Variants in CPQ observed in about 807,000 individuals in gnomAD.
CPQ encodes the protein carboxypeptidase Q, also known as Ser-Met dipeptidase.
Under a neutral mutation model 45.7 loss-of-function variants are expected in CPQ, and 37 were observed. The ratio of observed to expected loss-of-function variants is 0.81; its 90% CI spans 0.62 to 1.07. The LOEUF (loss-of-function observed/expected upper bound fraction) is 1.07, where lower values mean the gene tolerates loss of function less well. CPQ is among the 50% of genes least tolerant of loss of function. CPQ has a pLI of 0.00. For synonymous variants in CPQ, 186 were observed against 205.8 expected (o/e 0.90, Z 0.82); for missense variants, 537 against 572.9 (o/e 0.94, Z 0.64).
intron 7 of CPQ, among the ~76,000 whole-genome samples, chr8:97,071,807 G>T (rs947315001): frequency 6.6e-6 from 1 of 152,184 alleles, no homozygotes; most frequent in Non-Finnish European, 1.5e-5. Context: ...GAACTTTGCA[G>T]CAGGTGTTAC....
chr8:96,916,564 A>G (rs1406122362), intron 4 of CPQ, among the ~76,000 whole-genome samples: 1 of 152,144 alleles, frequency 6.6e-6, no homozygotes, highest in Non-Finnish European at 1.5e-5. Context: ...GCCCACACCC[A>G]GTTCTCCCAC....
At chr8:96,658,500 C>T (rs927667033) in intron 1 of CPQ, among the ~76,000 whole-genome samples, 1 of 147,458 alleles carries the variant, frequency 6.8e-6, no homozygotes, top group African/African-American at 2.4e-5. Flanking sequence ...CCCTACCACC[C>T]CCTACGGTGT....
chr8:96,788,044 G>A (rs1485189586), intron 2 of CPQ, among the ~76,000 whole-genome samples: 3 of 150,428 alleles, frequency 2.0e-5, no homozygotes, highest in Non-Finnish European at 4.4e-5. Context: ...CTTAGTTGAG[G>A]GGTTTGTTTT....
rs1179606311 is a variant in CPQ at position 97,043,456 on chromosome 8, T to C, written c.1053+13962T>C. Among the ~76,000 whole-genome samples, 4 of 152,198 alleles carry C rather than the reference T, an allele frequency of 2.6e-5. No homozygotes were observed. The South Asian group carries it at 6.2e-4, about 24-fold the overall frequency. On this transcript the variant is annotated intron_variant, in intron 6 of 7. Transcript: ENST00000220763. ...TCTTTATCCAGTTTGCCAGTCTGTG[T>C]CTTTTAATTGGAGAATTTAGTCCAT...
intron 7 of CPQ, among the ~76,000 whole-genome samples, chr8:97,119,516 G>A (rs2130604722): frequency 6.6e-6 from 1 of 151,876 alleles, no homozygotes; most frequent in East Asian, 1.9e-4. Flanking sequence ...TGTTAAGATA[G>A]ATAAGAAAAC....
intron 1 of CPQ, among the ~76,000 whole-genome samples, chr8:96,717,492 A>C (rs147707218): frequency 3.1e-4 from 47 of 152,138 alleles, no homozygotes; most frequent in Non-Finnish European, 2.5e-4. Context: ...GGGTAATTTG[A>C]TGCCTCAAGA....
chr8:97,115,108 C>A (rs1290760295), intron 7 of CPQ, among the ~76,000 whole-genome samples: 1 of 152,170 alleles, frequency 6.6e-6, no homozygotes, highest in African/African-American at 2.4e-5. Context: ...ACAGGAGAGG[C>A]AATATGCCTT....
chr8:96,706,956 AC>A (rs1809537586), intron 1 of CPQ, among the ~76,000 whole-genome samples: 1 of 152,164 alleles, frequency 6.6e-6, no homozygotes, highest in Admixed American at 6.6e-5. Flanking sequence ...CATAAAGCCC[AC>A]AGCTTGATTC....
intron 5 of CPQ, among the ~76,000 whole-genome samples, chr8:97,007,970 A>G (rs1386329700): frequency 6.6e-6 from 1 of 152,152 alleles, no homozygotes; most frequent in Admixed American, 6.6e-5. Context: ...TAAGTAGTTG[A>G]CTCAAAGTAC....
At chr8:97,017,581 G>A (rs1206441086) in intron 5 of CPQ, among the ~76,000 whole-genome samples, 1 of 152,168 alleles carries the variant, frequency 6.6e-6, no homozygotes, top group Admixed American at 6.5e-5. Context: ...CACAGTGAGA[G>A]TGAGATCAGC....
chr8:97,084,219 A>T (rs1234455512), intron 7 of CPQ, among the ~76,000 whole-genome samples: 1 of 152,184 alleles, frequency 6.6e-6, no homozygotes, highest in African/African-American at 2.4e-5. Context: ...TGATGAGAAT[A>T]TCTTGGAAGT....
At chr8:97,067,828 TC>T (rs1364725176) in intron 7 of CPQ, among the ~76,000 whole-genome samples, 1 of 152,228 alleles carries the variant, frequency 6.6e-6, no homozygotes, top group African/African-American at 2.4e-5. Flanking sequence ...TACATATGTG[TC>T]ATTGATAAAC....
In CPQ at chr8:96,731,484, G is replaced by T. The variant is rs111370201; in HGVS notation, c.-34-53380G>T. 5.9e-3 allele frequency among the ~76,000 whole-genome samples: 904 copies of T among 152,188 alleles called. 16 individuals are homozygous for T. Among genetic ancestry groups the T allele is most frequent in the African/African-American group, 0.016 (653 of 41,520 alleles). Reference sequence around the variant, plus strand: ...GTACACAGATTCCCTTTACTCATGAGGGGTCTAAAATTCCTGATTGACTTG... The same window carrying T: ...GTACACAGATTCCCTTTACTCATGATGGGTCTAAAATTCCTGATTGACTTG... On this transcript the variant is annotated intron_variant, in intron 1 of 7. Coordinates refer to ENST00000220763, the MANE Select transcript of CPQ (RefSeq NM_016134.4).
intron 3 of CPQ, among the ~76,000 whole-genome samples, chr8:96,860,729 A>G (rs1017056112): frequency 4.6e-5 from 7 of 152,110 alleles, no homozygotes; most frequent in Admixed American, 3.9e-4. Context: ...TCCTGGCTCA[A>G]TAGGGAGGAA....
At position 97,105,483 on chromosome 8, in the gene CPQ, G is replaced by A. The variant is rs369715029; in HGVS notation, c.1256-37537G>A. On this transcript the variant is annotated intron_variant, in intron 7 of 7. Coordinates refer to ENST00000220763, the MANE Select transcript of CPQ (RefSeq NM_016134.4). Reference sequence around the variant, plus strand: ...TTATTCAGCAGTGGACATTTGAGTCGTTTCTACCTTTTGGTTATTGTGAAT... The same window carrying A: ...TTATTCAGCAGTGGACATTTGAGTCATTTCTACCTTTTGGTTATTGTGAAT... Among the ~76,000 whole-genome samples the A allele has an allele frequency of 2.3e-4, 35 of 152,188 alleles. 1 individual carries two copies. The highest frequency in any genetic ancestry group is 1.6e-3 in the Admixed American group (24 of 15,284).
chr8:96,717,244 G>A (rs1194651542), intron 1 of CPQ, among the ~76,000 whole-genome samples: 3 of 151,536 alleles, frequency 2.0e-5, no homozygotes, highest in African/African-American at 7.3e-5. Flanking sequence ...TAGATAGCCA[G>A]TAATGGGATT....
At chr8:96,781,868 G>A (rs1364465864) in intron 1 of CPQ, among the ~76,000 whole-genome samples, 1 of 152,178 alleles carries the variant, frequency 6.6e-6, no homozygotes, top group Non-Finnish European at 1.5e-5. Flanking sequence ...CAAGGAAGGG[G>A]TAACTGGTTC....
chr8:97,002,663 G>A (rs1809306506), intron 5 of CPQ, among the ~76,000 whole-genome samples: 4 of 152,068 alleles, frequency 2.6e-5, no homozygotes. Context: ...TTGCTGAGGA[G>A]TGTTTTACTT....
intron 3 of CPQ, among the ~76,000 whole-genome samples, chr8:96,848,622 T>C (rs1811730647): frequency 6.6e-6 from 1 of 152,242 alleles, no homozygotes; most frequent in Admixed American, 6.5e-5. Context: ...TTATTATTGA[T>C]AGTTTGGAAA....
Sources: allele counts gnomAD v4.1 joint callset (sites outside exome capture counted in the v4.1 genomes callset), GRCh38; gene constraint gnomAD v4.1.1; transcripts MANE v1.5; gene names NCBI Gene and HGNC (gene_info 2026-07-23, HGNC 2026-07-21).